XPO1: variants seen among roughly 807,000 people sequenced by gnomAD.
XPO1 encodes exportin-1.
Under a neutral mutation model 133.3 loss-of-function variants are expected in XPO1, and 5 were observed. That is an observed-to-expected ratio of 0.04 (90% confidence interval 0.02 to 0.08). The LOEUF is 0.08. Among genes scored for constraint, XPO1 ranks in the 10% least tolerant of loss-of-function variants. The pLI is 1.00. For synonymous variants in XPO1, 419 were observed against 408.2 expected (o/e 1.03, Z -0.32); for missense variants, 506 against 1,267.5 (o/e 0.40, Z 9.12).
At chr2:61,498,549 G>A (rs954936113) in intron 9 of XPO1, 124 bp downstream of exon 9, 1 of 1,272,038 alleles carries the variant, frequency 7.9e-7, no homozygotes, top group Non-Finnish European at 1.1e-6. Context: ...AATTTCTCCT[G>A]AGCAGCGTCC....
rs139600203 is a variant in XPO1 at position 61,517,076 on chromosome 2, G to A, written c.301+5535C>T. 7.4e-4 allele frequency among the ~76,000 whole-genome samples: 113 copies of A among 151,892 alleles called. 2 individuals carry two copies. The East Asian group carries it at 0.02, about 26-fold the overall frequency. ...CTGCCACCACACTCAGCTAATTTTG[G>A]TATTTTTAGTAGAGACCGGGTTTCA... On this transcript the variant is annotated intron_variant, in intron 4 of 24. Coordinates refer to ENST00000401558, the MANE Select transcript of XPO1 (RefSeq NM_003400.4).
In XPO1 at chr2:61,491,491, CACACA is replaced by C. The variant is rs749640979; in HGVS notation, c.1887+539_1887+543del. ...ACACACACACACACACACACACACA[CACACA>C]CCCCAAAACAAAACAAAACAAAAAA... On this transcript the variant is annotated intron_variant, in intron 16 of 24. Transcript: ENST00000401558. Among the ~76,000 whole-genome samples, 95 of 149,750 alleles carry C rather than the reference CACACA, an allele frequency of 6.3e-4. 1 individual carries two copies. The highest frequency in any genetic ancestry group is 1.9e-3 in the African/African-American group (79 of 40,896).
At chr2:61,491,924 T>A (rs1697020071) in intron 16 of XPO1, 111 bp downstream of exon 16, 1 of 1,317,326 alleles carries the variant, frequency 7.6e-7, no homozygotes. Context: ...GAAAATTTAA[T>A]CAGAAACACT....
At chr2:61,528,528 G>T (rs181565798) in intron 2 of XPO1, among the ~76,000 whole-genome samples, 3,085 of 151,480 alleles carry the variant, frequency 0.02, 46 homozygotes, top group South Asian at 0.039. Context: ...AGCTACTCGG[G>T]AGGCTGAGGC....
intron 1 of XPO1, among the ~76,000 whole-genome samples, chr2:61,535,174 A>G (rs1699306601): frequency 6.6e-6 from 1 of 152,238 alleles, no homozygotes; most frequent in Non-Finnish European, 1.5e-5. Flanking sequence ...TATAAAATAT[A>G]TCTTTCCTCT....
In XPO1 at chr2:61,478,488, T is replaced by C. The variant is rs948732669; in HGVS notation, c.*332A>G. On this transcript the variant is annotated 3_prime_UTR_variant, in exon 25 of 25. Transcript: ENST00000401558. ...AATTGGTATTGTTTACAGGAAAAAT[T>C]GTATAATTTTGCATTAGAATTACAA... The C allele has an allele frequency of 1.5e-5, 4 of 275,482 alleles. No homozygotes were observed. The highest frequency in any genetic ancestry group is 1.0e-4 in the Admixed American group (2 of 19,440). 17.1% of individuals were successfully genotyped at this position (275,482 alleles called of 1,614,324 possible).
intron 6 of XPO1, 49 bp from the exon 7 acceptor site, chr2:61,499,943 A>G: frequency 6.4e-7 from 1 of 1,559,696 alleles, no homozygotes; most frequent in Non-Finnish European, 8.7e-7. Context: ...TCAAAGGCAA[A>G]TAAAACAAAC....
chr2:61,521,759 G>A (rs1308707629), intron 4 of XPO1, among the ~76,000 whole-genome samples: 1 of 151,748 alleles, frequency 6.6e-6, no homozygotes, highest in African/African-American at 2.4e-5. Flanking sequence ...TTTTGTTGTT[G>A]TTGTTCTTGT....
At chr2:61,500,162 T>G (rs1179918219) in intron 6 of XPO1, among the ~76,000 whole-genome samples, 1 of 152,178 alleles carries the variant, frequency 6.6e-6, no homozygotes, top group Non-Finnish European at 1.5e-5. Context: ...GTCTGTGTAT[T>G]AGTATCTGCC....
chr2:61,478,434 G>C lies in XPO1; in HGVS notation c.*386C>G, dbSNP rs1409848509. The C allele has an allele frequency of 3.7e-6, 1 of 268,786 alleles. No individual in the cohort carries two copies. The highest frequency in any genetic ancestry group is 2.2e-5 in the African/African-American group (1 of 45,692). The allele number at this position is 268,786 out of a possible 1,614,324, so 16.7% of individuals were successfully genotyped here. A position where few individuals can be genotyped will look rare whatever the true frequency, so the allele number is the denominator to read the frequency against. On this transcript the variant is annotated 3_prime_UTR_variant, in exon 25 of 25. Coordinates refer to ENST00000401558, the MANE Select transcript of XPO1 (RefSeq NM_003400.4). ...TTATCTTTTCTTCTAGGCTGAAATA[G>C]ACTAGAAGGAAAATGCTCCCTAATT...
chr2:61,503,683 C>CA (rs1469196345), intron 4 of XPO1, among the ~76,000 whole-genome samples: 2 of 152,144 alleles, frequency 1.3e-5, no homozygotes, highest in Non-Finnish European at 2.9e-5. Context: ...CTCGGCCTCC[C>CA]AAAGTGCTGG....
intron 24 of XPO1, 32 bp from the exon 25 acceptor site, chr2:61,478,998 A>G: frequency 6.3e-7 from 1 of 1,594,398 alleles, no homozygotes; most frequent in South Asian, 1.1e-5. Context: ...ATGTCAACGC[A>G]ATAAACTTCA....
chr2:61,529,263 A>G (rs1699049133), intron 2 of XPO1, among the ~76,000 whole-genome samples: 1 of 152,248 alleles, frequency 6.6e-6, no homozygotes, highest in Admixed American at 6.5e-5. Context: ...GTTATAAACA[A>G]TAAAGCATCA....
At chr2:61,521,476 G>T (rs1698686338) in intron 4 of XPO1, among the ~76,000 whole-genome samples, 1 of 152,176 alleles carries the variant, frequency 6.6e-6, no homozygotes, top group Admixed American at 6.6e-5. Flanking sequence ...TAAAAAGGCA[G>T]TGTATCATAA....
intron 5 of XPO1, 53 bp downstream of exon 5, chr2:61,502,196 C>T (rs2104529381): frequency 6.3e-7 from 1 of 1,588,930 alleles, no homozygotes. Context: ...TAGTCAGACT[C>T]AATATCTAAA....
rs566549503 is a variant in XPO1 at position 61,490,821 on chromosome 2, A to T, written c.1888-45T>A. 2.5e-6 allele frequency: 4 copies of T among 1,588,270 alleles called. No individual in the cohort carries two copies. The South Asian group carries it at 4.5e-5, about 18-fold the overall frequency. On this transcript the variant is annotated intron_variant, in intron 16 of 24. Transcript: ENST00000401558. The stretch of plus-strand genomic sequence containing the variant: ...TTTTAACGTTTATGTTATACACCCT[A>T]ATAAGGAAAACCACACACAAGCAAT...
Position 61,494,407 on chromosome 2 carries a change from G to A in XPO1, c.1048-316C>T, listed in dbSNP as rs1300448019. 3.4e-5 allele frequency: 8 copies of A among 235,996 alleles called. No individual in the cohort carries two copies. In the South Asian group the frequency reaches 3.6e-4, roughly 11 times the overall value. 14.6% of individuals were successfully genotyped at this position (235,996 alleles called of 1,614,324 possible). ...CACAACCCAAATGTACCATCACAGAGGAGAGAACAAACAAAATACTGAATA... is the reference window on the plus strand; with the variant it reads ...CACAACCCAAATGTACCATCACAGAAGAGAGAACAAACAAAATACTGAATA... On this transcript the variant is annotated intron_variant, in intron 11 of 24. Transcript: ENST00000401558.
In XPO1 at chr2:61,478,636, C is replaced by G; in HGVS notation, c.*184G>C. On this transcript the variant is annotated 3_prime_UTR_variant, in exon 25 of 25. Transcript: ENST00000401558. ...GCAAACTAAATAAAGATGACCAAAA[C>G]AAAAGCTTAAACAATGGAAGGATAT... The G allele has an allele frequency of 1.6e-6, 1 of 609,970 alleles. No individual in the cohort carries two copies. Among genetic ancestry groups the G allele is most frequent in the Non-Finnish European group, 2.6e-6 (1 of 384,242 alleles). 37.8% of individuals were successfully genotyped at this position (609,970 alleles called of 1,614,324 possible). A position where few individuals can be genotyped will look rare whatever the true frequency, so the allele number is the denominator to read the frequency against.
chr2:61,510,582 C>CA (rs1192836194), intron 4 of XPO1, among the ~76,000 whole-genome samples: 1 of 152,040 alleles, frequency 6.6e-6, no homozygotes, highest in East Asian at 1.9e-4. Flanking sequence ...ACACACTGGA[C>CA]AAAAAATCTA....
Sources: allele counts gnomAD v4.1 joint callset (sites outside exome capture counted in the v4.1 genomes callset), GRCh38; gene constraint gnomAD v4.1.1; transcripts MANE v1.5; gene names NCBI Gene and HGNC (gene_info 2026-07-23, HGNC 2026-07-21).